Variants in SGCZ observed in about 807,000 individuals in gnomAD.
SGCZ encodes zeta-sarcoglycan.
A neutral mutation model predicts 41.3 loss-of-function variants in SGCZ; 40 were observed. That is an observed-to-expected ratio of 0.97 (90% CI 0.75 to 1.26). SGCZ has a LOEUF of 1.26. Among genes scored for constraint, SGCZ ranks in the 50% most tolerant of loss-of-function variants. SGCZ has a pLI of 0.00. For missense variants in SGCZ, 552 were observed against 369.8 expected, an observed-to-expected ratio of 1.49 and a Z score of -4.04; for synonymous variants, 206 against 137.5, an observed-to-expected ratio of 1.50 and a Z score of -3.49.
chr8:14,640,020 G>A (rs1329725506), intron 1 of SGCZ, among the ~76,000 whole-genome samples: 6 of 151,496 alleles, frequency 4.0e-5, no homozygotes, highest in Non-Finnish European at 7.4e-5. Context: ...TAAACTATAC[G>A]TATTTATGCA....
At chr8:14,546,996 C>T (rs540759463) in intron 2 of SGCZ, among the ~76,000 whole-genome samples, 2 of 151,892 alleles carry the variant, frequency 1.3e-5, no homozygotes, top group East Asian at 3.9e-4. Flanking sequence ...CTCCATAAAG[C>T]CTGGTCTATA....
chr8:14,460,439 C>A (rs989425978), intron 2 of SGCZ, among the ~76,000 whole-genome samples: 1 of 152,058 alleles, frequency 6.6e-6, no homozygotes, highest in African/African-American at 2.4e-5. Context: ...AACTGGAGAG[C>A]AGTTTTCACT....
chr8:14,494,344 G>T (rs774545076), intron 2 of SGCZ, among the ~76,000 whole-genome samples: 1 of 152,118 alleles, frequency 6.6e-6, no homozygotes, highest in Admixed American at 6.5e-5. Flanking sequence ...GCTCAGCCCG[G>T]CTACTGTTTT....
chr8:14,317,387 G>A (rs1563253443), intron 3 of SGCZ, among the ~76,000 whole-genome samples: 1 of 151,810 alleles, frequency 6.6e-6, no homozygotes, highest in Admixed American at 6.6e-5. Context: ...CCAGTTATTG[G>A]ACTCCAGAGC....
chr8:14,843,160 T>G (rs1380586072), intron 1 of SGCZ, among the ~76,000 whole-genome samples: 1 of 152,078 alleles, frequency 6.6e-6, no homozygotes, highest in Non-Finnish European at 1.5e-5. Flanking sequence ...TGCAGTGAGC[T>G]GAGATTGCAC....
intron 3 of SGCZ, among the ~76,000 whole-genome samples, chr8:14,257,264 G>A (rs1436744722): frequency 6.6e-6 from 1 of 151,826 alleles, no homozygotes; most frequent in Non-Finnish European, 1.5e-5. Context: ...CCAGGAGGTT[G>A]AGGCTGCAGT....
rs775455250 is a variant in SGCZ at position 14,230,767 on chromosome 8, G to GT, written c.424+6824_424+6825insA. 9.7e-4 allele frequency among the ~76,000 whole-genome samples: 118 copies of GT among 121,910 alleles called. 1 individual carries two copies. The highest frequency in any genetic ancestry group is 1.6e-3 in the Non-Finnish European group (92 of 59,244). 80.0% of individuals were successfully genotyped at this position (121,910 alleles called of 152,430 possible). ...TCCTTCTTTTTTTTTTGGTGGTGGTGGGGGGGTGGTTACTCAAACATCTCT... is the reference window on the plus strand; with the variant it reads ...TCCTTCTTTTTTTTTTGGTGGTGGTGTGGGGGGTGGTTACTCAAACATCTCT... On this transcript the variant is annotated intron_variant, in intron 4 of 7. Coordinates refer to ENST00000382080, the MANE Select transcript of SGCZ (RefSeq NM_139167.4).
chr8:14,681,178 A>C (rs192044543), intron 1 of SGCZ, among the ~76,000 whole-genome samples: 1 of 152,220 alleles, frequency 6.6e-6, no homozygotes, highest in East Asian at 1.9e-4. Flanking sequence ...GCACACTAAA[A>C]TATATCACAA....
intron 1 of SGCZ, among the ~76,000 whole-genome samples, chr8:14,597,775 C>A (rs1479313294): frequency 6.6e-6 from 1 of 152,156 alleles, no homozygotes; most frequent in Non-Finnish European, 1.5e-5. Flanking sequence ...CTGCACCTGG[C>A]CTCACTTCTT....
intron 3 of SGCZ, among the ~76,000 whole-genome samples, chr8:14,254,470 A>T (rs550529524): frequency 1.3e-5 from 2 of 152,332 alleles, no homozygotes; most frequent in East Asian, 3.9e-4. Context: ...ATATAGTCAG[A>T]TGTTATCTTA....
chr8:14,676,719 T>C (rs1242542293), intron 1 of SGCZ, among the ~76,000 whole-genome samples: 1 of 152,262 alleles, frequency 6.6e-6, no homozygotes, highest in East Asian at 1.9e-4. Context: ...TAAAAACACA[T>C]GATCATATCA....
chr8:14,476,011 T>C (rs1801349092), intron 2 of SGCZ, among the ~76,000 whole-genome samples: 2 of 151,830 alleles, frequency 1.3e-5, no homozygotes, highest in Admixed American at 6.6e-5. Flanking sequence ...CTCACTATGT[T>C]GCCCTGGTTG....
chr8:14,107,142 C>T (rs1267723560), intron 6 of SGCZ, among the ~76,000 whole-genome samples: 5 of 151,420 alleles, frequency 3.3e-5, no homozygotes, highest in Admixed American at 2.0e-4. Context: ...CGTGAACCTG[C>T]GAGGCGGAGC....
intron 2 of SGCZ, among the ~76,000 whole-genome samples, chr8:14,385,643 T>A (rs1804549273): frequency 6.6e-6 from 1 of 152,190 alleles, no homozygotes; most frequent in African/African-American, 2.4e-5. Context: ...GTACAGTGAT[T>A]TTGTAACTTA....
intron 1 of SGCZ, among the ~76,000 whole-genome samples, chr8:15,089,173 G>A (rs1361453743): frequency 1.3e-5 from 2 of 152,050 alleles, no homozygotes; most frequent in African/African-American, 4.8e-5. Context: ...TACTAACCTG[G>A]ATATACTATA....
intron 3 of SGCZ, among the ~76,000 whole-genome samples, chr8:14,293,030 G>T (rs1800891955): frequency 6.6e-6 from 1 of 151,896 alleles, no homozygotes; most frequent in Admixed American, 6.6e-5. Flanking sequence ...CACATCTCTG[G>T]GTTAAAATAA....
intron 2 of SGCZ, among the ~76,000 whole-genome samples, chr8:14,420,564 C>T (rs1406264556): frequency 6.6e-6 from 1 of 152,046 alleles, no homozygotes; most frequent in Non-Finnish European, 1.5e-5. Context: ...ATTCCTCCTT[C>T]AGTTACCCAA....
At chr8:14,320,413 C>T (rs1039850247) in intron 3 of SGCZ, among the ~76,000 whole-genome samples, 1 of 151,374 alleles carries the variant, frequency 6.6e-6, no homozygotes, top group African/African-American at 2.4e-5. Context: ...CGCCTGGCCC[C>T]ATGGCTTTGT....
intron 1 of SGCZ, among the ~76,000 whole-genome samples, chr8:14,749,802 C>G (rs942443416): frequency 6.6e-6 from 1 of 151,994 alleles, no homozygotes; most frequent in Admixed American, 6.6e-5. Context: ...GATCCTGCCT[C>G]CACTGGAAGA....
Sources: gnomAD v4.1 joint callset for allele counts (sites outside exome capture counted in the v4.1 genomes callset) on GRCh38, gnomAD v4.1.1 for gene constraint, MANE v1.5 for transcripts, NCBI Gene and HGNC (gene_info 2026-07-23, HGNC 2026-07-21) for gene names.